Variants in SH3GL2 observed in about 807,000 individuals in gnomAD.
SH3GL2 encodes endophilin-A1.
Under a neutral mutation model 46.0 loss-of-function variants are expected in SH3GL2, and 24 were observed. The observed-to-expected ratio is 0.52, with a 90% CI of 0.38 to 0.73. SH3GL2 has a LOEUF of 0.73. SH3GL2 is among the 30% of genes least tolerant of loss of function. The pLI is 0.00. For missense variants in SH3GL2, 413 were observed against 424.2 expected (o/e 0.97, Z 0.23); for synonymous variants, 196 against 147.1 (o/e 1.33, Z -2.40).
intron 1 of SH3GL2, among the ~76,000 whole-genome samples, chr9:17,737,293 T>G (rs1822367192): frequency 6.6e-6 from 1 of 152,062 alleles, no homozygotes. Context: ...ATGGCACATG[T>G]ATACCTATGT....
chr9:17,700,290 A>G (rs757466174), intron 1 of SH3GL2, among the ~76,000 whole-genome samples: 1 of 152,184 alleles, frequency 6.6e-6, no homozygotes, highest in South Asian at 2.1e-4. Flanking sequence ...ATTTGAAGGA[A>G]TGGCCAGATT....
intron 1 of SH3GL2, among the ~76,000 whole-genome samples, chr9:17,595,390 A>G (rs961135192): frequency 6.6e-6 from 1 of 152,200 alleles, no homozygotes; most frequent in African/African-American, 2.4e-5. Context: ...AATATCTGAC[A>G]TTTTTCATTG....
intron 2 of SH3GL2, among the ~76,000 whole-genome samples, chr9:17,749,177 C>T (rs530089150): frequency 6.6e-6 from 1 of 152,336 alleles, no homozygotes; most frequent in South Asian, 2.1e-4. Context: ...TATTTCTCAT[C>T]TCTGGATGGT....
At chr9:17,738,641 T>TATATATATAGAGAGAGAGAGAG (rs376280314) in intron 1 of SH3GL2, among the ~76,000 whole-genome samples, 3 of 88,882 alleles carry the variant, frequency 3.4e-5, no homozygotes, top group Non-Finnish European at 4.7e-5. Context: ...TATATATATA[T>TATATATATAGAGAGAGAGAGAG]AGAGAGAGAG....
At chr9:17,634,099 T>G (rs972115423) in intron 1 of SH3GL2, among the ~76,000 whole-genome samples, 5 of 152,136 alleles carry the variant, frequency 3.3e-5, no homozygotes, top group African/African-American at 1.2e-4. Context: ...CCTGGCTGGT[T>G]TTGGAACTTT....
chr9:17,653,952 C>T lies in SH3GL2; in HGVS notation c.45+74665C>T, dbSNP rs571037345. The T allele has an allele frequency of 5.8e-4, 328 of 567,138 alleles. 1 individual carries two copies. The African/African-American group carries it at 6.5e-3, about 11-fold the overall frequency. The allele number at this position is 567,138 out of a possible 1,614,324, so 35.1% of individuals were successfully genotyped here. A position where few individuals can be genotyped will look rare whatever the true frequency, so the allele number is the denominator to read the frequency against. On this transcript the variant is annotated intron_variant, in intron 1 of 8. Coordinates refer to ENST00000380607, the MANE Select transcript of SH3GL2 (RefSeq NM_003026.5). The stretch of plus-strand genomic sequence containing the variant: ...TAACAAAAGAAATGACTAGGCAGAT[C>T]TTCTTTTAAACTCTGGGAAGAGCAG...
chr9:17,677,090 G>C (rs1820632195), intron 1 of SH3GL2, among the ~76,000 whole-genome samples: 1 of 152,122 alleles, frequency 6.6e-6, no homozygotes, highest in African/African-American at 2.4e-5. Flanking sequence ...CACTCCTGTG[G>C]ACTTAGAGGT....
Position 17,795,714 on chromosome 9 carries a change from G to C in SH3GL2, c.1030G>C (p.Val344Leu). ...GHSGFFPINY[V>L]EILVALPH is the part of the protein sequence containing the mutation. Reference sequence around the variant, plus strand: ...TTCAGGCTTCTTCCCCATCAATTATGTGGAAATTCTGGTTGCCCTGCCCCA... The same window carrying C: ...TTCAGGCTTCTTCCCCATCAATTATCTGGAAATTCTGGTTGCCCTGCCCCA... Residue 344 changes from valine (V) to leucine (L), a missense_variant, in exon 9 of 9, where the codon GTG becomes CTG. By Grantham distance (32) the Val-to-Leu change is conservative. This residue lies in a region of SH3GL2 where 248 missense variants were observed against 215.0 expected (regional missense o/e 1.15). Transcript: ENST00000380607. The C allele has an allele frequency of 6.2e-7, 1 of 1,613,974 alleles. No individual in the cohort carries two copies. The highest frequency in any genetic ancestry group is 8.5e-7 in the Non-Finnish European group (1 of 1,179,926).
intron 1 of SH3GL2, among the ~76,000 whole-genome samples, chr9:17,671,255 C>G (rs1448446934): frequency 6.6e-6 from 1 of 152,080 alleles, no homozygotes. Context: ...TTGCTTCCAA[C>G]TACATTTGCT....
chr9:17,741,707 T>C (rs1460424976), intron 1 of SH3GL2, among the ~76,000 whole-genome samples: 1 of 152,222 alleles, frequency 6.6e-6, no homozygotes, highest in African/African-American at 2.4e-5. Context: ...TGTTAATTAC[T>C]GAAGTCTCAG....
intron 1 of SH3GL2, among the ~76,000 whole-genome samples, chr9:17,738,723 G>C (rs975305229): frequency 6.6e-6 from 1 of 150,444 alleles, no homozygotes; most frequent in Non-Finnish European, 1.5e-5. Context: ...TGACAAGTCA[G>C]AACTTTGCAG....
chr9:17,721,348 A>G lies in SH3GL2; in HGVS notation c.46-25718A>G, dbSNP rs956405196. 3.3e-5 allele frequency among the ~76,000 whole-genome samples: 5 copies of G among 152,122 alleles called. No individual in the cohort carries two copies. In the East Asian group the frequency reaches 5.8e-4, roughly 18 times the overall value. The stretch of plus-strand genomic sequence containing the variant: ...GAACAAAAGGAAATTTAAACAATCT[A>G]TATTCTCTCACCAGAGATAGTTTTG... On this transcript the variant is annotated intron_variant, in intron 1 of 8. Transcript: ENST00000380607.
chr9:17,670,462 T>C (rs1038405077), intron 1 of SH3GL2, among the ~76,000 whole-genome samples: 3 of 152,226 alleles, frequency 2.0e-5, no homozygotes, highest in African/African-American at 4.8e-5. Flanking sequence ...GTTTTAATTA[T>C]AGGGGCTTTT....
intron 1 of SH3GL2, among the ~76,000 whole-genome samples, chr9:17,710,516 G>C (rs1411457089): frequency 6.6e-6 from 1 of 151,818 alleles, no homozygotes; most frequent in African/African-American, 2.4e-5. Flanking sequence ...TTAAAACAAT[G>C]AATTACTATA....
chr9:17,608,147 CTTTTTTTT>C (rs58474566), intron 1 of SH3GL2, among the ~76,000 whole-genome samples: 6 of 120,348 alleles, frequency 5.0e-5, no homozygotes, highest in Non-Finnish European at 8.2e-5. Context: ...AAGCTTTCCT[CTTTTTTTT>C]TTTTTTTTTT....
intron 2 of SH3GL2, among the ~76,000 whole-genome samples, chr9:17,747,744 G>A (rs568657593): frequency 6.1e-4 from 93 of 152,126 alleles, no homozygotes; most frequent in Non-Finnish European, 1.1e-3. Context: ...GCATGATCTT[G>A]GCTCACTGCA....
At chr9:17,611,224 C>G (rs3808760) in intron 1 of SH3GL2, among the ~76,000 whole-genome samples, 46,535 of 151,908 alleles carry the variant, frequency 0.31, 7,860 homozygotes, top group East Asian at 0.52. Flanking sequence ...GGGAAATATA[C>G]AGGTTGAATA....
At chr9:17,629,042 A>G (rs749903682) in intron 1 of SH3GL2, among the ~76,000 whole-genome samples, 7 of 151,904 alleles carry the variant, frequency 4.6e-5, no homozygotes, top group East Asian at 1.9e-4. Flanking sequence ...TTAGAGTTCA[A>G]GATGTGGCCT....
chr9:17,622,625 A>G (rs553884223), intron 1 of SH3GL2, among the ~76,000 whole-genome samples: 8 of 152,286 alleles, frequency 5.3e-5, no homozygotes, highest in African/African-American at 1.7e-4. Flanking sequence ...AAAATGTGGA[A>G]GAATATTAAT....
Sources: allele counts gnomAD v4.1 joint callset (sites outside exome capture counted in the v4.1 genomes callset), GRCh38; gene constraint gnomAD v4.1.1; regional missense constraint gnomAD v4.1.1; transcripts MANE v1.5; gene names NCBI Gene and HGNC (gene_info 2026-07-23, HGNC 2026-07-21).